The following DNAH8 variants were observed in gnomAD, a reference collection of about 807,000 sequenced individuals.
The protein encoded by DNAH8 is axonemal beta dynein heavy chain 8.
Under a neutral mutation model 562.1 loss-of-function variants are expected in DNAH8, and 382 were observed. That is an observed-to-expected ratio of 0.68 (90% CI 0.63 to 0.74). The LOEUF (loss-of-function observed/expected upper bound fraction) is 0.74. DNAH8 is among the 30% of genes least tolerant of loss of function. The pLI is 0.00. For missense variants in DNAH8, 5,203 were observed against 5,620.4 expected (o/e 0.93, Z 2.37); for synonymous variants, 1,881 against 1,919.4 (o/e 0.98, Z 0.52).
intron 38 of DNAH8, 131 bp from the exon 39 acceptor site, chr6:38,851,441 G>A (rs539939072): frequency 5.9e-5 from 35 of 595,526 alleles, no homozygotes; most frequent in African/African-American, 2.1e-4. Flanking sequence ...CATTGCAGGG[G>A]TAGGTGATAA....
chr6:38,926,390 T>C (rs746902820), intron 74 of DNAH8, among the ~76,000 whole-genome samples, 180 bp downstream of exon 74: 2 of 150,888 alleles, frequency 1.3e-5, no homozygotes, highest in Non-Finnish European at 3.0e-5. Flanking sequence ...TCTTTTGTAC[T>C]CTCTTTGGAT....
Position 38,917,268 on chromosome 6 carries a change from C to G in DNAH8, c.10170C>G (p.Val3390=). 6.2e-7 allele frequency: 1 copy of G among 1,612,692 alleles called. No individual in the cohort carries two copies. The highest frequency in any genetic ancestry group is 8.5e-7 in the Non-Finnish European group (1 of 1,179,348). Residue 3390 remains valine (V), a synonymous_variant, in exon 69 of 93, where the codon GTC becomes GTG. Coordinates refer to ENST00000327475, the MANE Select transcript of DNAH8 (RefSeq NM_001206927.2). ...NTIKPNDIAT[V]RKLAKPPHLI... ...TCAAGCCAAATGATATTGCCACAGTCAGGAAACTTGCAAAACCACCACATC... is the reference window on the plus strand; with the variant it reads ...TCAAGCCAAATGATATTGCCACAGTGAGGAAACTTGCAAAACCACCACATC...
chr6:38,780,599 C>T (rs1044646739), intron 15 of DNAH8, among the ~76,000 whole-genome samples: 3 of 152,060 alleles, frequency 2.0e-5, no homozygotes, highest in Non-Finnish European at 4.4e-5. Context: ...AACAGAAAAC[C>T]GAATACCACA....
At chr6:38,807,183 T>C (rs1168590490) in intron 23 of DNAH8, among the ~76,000 whole-genome samples, 1 of 152,224 alleles carries the variant, frequency 6.6e-6, no homozygotes, top group East Asian at 1.9e-4. Flanking sequence ...GTATTGCACA[T>C]TTTAAAATAC....
intron 88 of DNAH8, among the ~76,000 whole-genome samples, chr6:39,004,890 A>G (rs1765710267): frequency 6.6e-6 from 1 of 152,206 alleles, no homozygotes. Flanking sequence ...GCCAAATAGT[A>G]TTCCAGTGCC....
chr6:38,880,311 G>A (rs4383811), intron 53 of DNAH8, among the ~76,000 whole-genome samples: 65,578 of 151,832 alleles, frequency 0.43, 15,091 homozygotes, highest in East Asian at 0.84. Flanking sequence ...AATAAAATAC[G>A]TGTAAGATCT....
intron 4 of DNAH8, among the ~76,000 whole-genome samples, chr6:38,733,923 G>GA (rs1357561568): frequency 1.5e-5 from 2 of 129,964 alleles, no homozygotes; most frequent in African/African-American, 5.9e-5. Context: ...CATCTAAAAA[G>GA]AAAAAGAAAA....
chr6:38,851,461 G>A lies in DNAH8; in HGVS notation c.5364-111G>A, dbSNP rs1775736809. ...CAGGGGTAGGTGATAAGTGACTTTAGGTGTTTGCTATTATCTTAGCAAAGA... is the reference window on the plus strand; with the variant it reads ...CAGGGGTAGGTGATAAGTGACTTTAAGTGTTTGCTATTATCTTAGCAAAGA... On this transcript the variant is annotated intron_variant, in intron 38 of 92. Transcript: ENST00000327475. 3 of 641,730 alleles carry A rather than the reference G, an allele frequency of 4.7e-6. No individual in the cohort carries two copies. The Admixed American group carries it at 9.4e-5, about 20-fold the overall frequency. 39.8% of individuals were successfully genotyped at this position (641,730 alleles called of 1,614,324 possible). A position where few individuals can be genotyped will look rare whatever the true frequency, so the allele number is the denominator to read the frequency against.
At chr6:38,747,027 TA>T (rs1765002739) in intron 8 of DNAH8, among the ~76,000 whole-genome samples, 2 of 152,254 alleles carry the variant, frequency 1.3e-5, no homozygotes, top group South Asian at 4.1e-4. Context: ...CTTTATACTT[TA>T]TTCTTCAGTT....
In DNAH8 at chr6:38,865,561, C is replaced by A. The variant is rs148815661; in HGVS notation, c.6499-1030C>A. On this transcript the variant is annotated intron_variant, in intron 45 of 92. Coordinates refer to ENST00000327475, the MANE Select transcript of DNAH8 (RefSeq NM_001206927.2). ...ATCATGAATTCCATCTTCAAGGTCACCTTATGAACCAAGATGCTACAGAAA... is the reference window on the plus strand; with the variant it reads ...ATCATGAATTCCATCTTCAAGGTCAACTTATGAACCAAGATGCTACAGAAA... Among the ~76,000 whole-genome samples, 195 of 152,288 alleles carry A rather than the reference C, an allele frequency of 1.3e-3. 1 individual carries two copies. The highest frequency in any genetic ancestry group is 4.4e-3 in the African/African-American group (181 of 41,550).
chr6:38,750,068 G>A (rs1288711134), intron 8 of DNAH8, among the ~76,000 whole-genome samples: 2 of 152,196 alleles, frequency 1.3e-5, no homozygotes, highest in African/African-American at 4.8e-5. Context: ...TCCTGACCTT[G>A]TGATCCGCCC....
chr6:38,736,312 A>C (rs1010501918), intron 5 of DNAH8, among the ~76,000 whole-genome samples: 9 of 152,194 alleles, frequency 5.9e-5, no homozygotes, highest in Non-Finnish European at 1.3e-4. Flanking sequence ...CAGATGAGCC[A>C]TGTGGTGTAA....
chr6:38,979,120 C>T (rs1763870992), intron 85 of DNAH8, among the ~76,000 whole-genome samples: 1 of 152,248 alleles, frequency 6.6e-6, no homozygotes, highest in Admixed American at 6.5e-5. Context: ...TAGTTTTGCT[C>T]ATGGCCTTTG....
At chr6:38,977,750 T>C (rs1031845199) in intron 85 of DNAH8, among the ~76,000 whole-genome samples, 3 of 152,210 alleles carry the variant, frequency 2.0e-5, no homozygotes, top group Non-Finnish European at 2.9e-5. Flanking sequence ...ATCAGAATAA[T>C]GTTCTATGGG....
intron 24 of DNAH8, among the ~76,000 whole-genome samples, chr6:38,811,785 G>A (rs1771817566): frequency 6.6e-6 from 1 of 152,050 alleles, no homozygotes; most frequent in Non-Finnish European, 1.5e-5. Flanking sequence ...CTTTGTTTTT[G>A]TGTTTCTTTT....
At chr6:38,777,398 G>T (rs1369982968) in intron 13 of DNAH8, among the ~76,000 whole-genome samples, 2 of 152,080 alleles carry the variant, frequency 1.3e-5, no homozygotes, top group Non-Finnish European at 2.9e-5. Context: ...CCTTTTAATA[G>T]TTAAATAATT....
At chr6:38,912,663 A>C (rs1342608562) in intron 66 of DNAH8, among the ~76,000 whole-genome samples, 1 of 152,210 alleles carries the variant, frequency 6.6e-6, no homozygotes, top group African/African-American at 2.4e-5. Context: ...TTGAGAACAC[A>C]ATGTTAAATT....
intron 62 of DNAH8, among the ~76,000 whole-genome samples, chr6:38,903,114 T>C (rs191371548): frequency 6.6e-5 from 10 of 152,338 alleles, no homozygotes; most frequent in Non-Finnish European, 8.8e-5. Context: ...AATAGGCCAT[T>C]CCATATAGCC....
chr6:38,820,463 G>A (rs1772717613), intron 26 of DNAH8, among the ~76,000 whole-genome samples: 1 of 152,052 alleles, frequency 6.6e-6, no homozygotes. Context: ...AACACTTTTA[G>A]AATAAAACAG....
Sources: gnomAD v4.1 joint callset for allele counts (sites outside exome capture counted in the v4.1 genomes callset) on GRCh38, gnomAD v4.1.1 for gene constraint, MANE v1.5 for transcripts, NCBI Gene and HGNC (gene_info 2026-07-23, HGNC 2026-07-21) for gene names.